Variants in PLXNA1 observed in about 807,000 individuals in gnomAD.
The protein encoded by PLXNA1 is plexin A1.
A neutral mutation model predicts 191.7 loss-of-function variants in PLXNA1; 77 were observed. The observed-to-expected ratio is 0.40, with a 90% CI of 0.33 to 0.49. The LOEUF is 0.49. Among genes scored for constraint, PLXNA1 ranks in the 20% least tolerant of loss-of-function variants. The pLI, the probability that PLXNA1 is intolerant of heterozygous loss-of-function variation, is 0.63. For synonymous variants in PLXNA1, 1,137 were observed against 1,156.4 expected (o/e 0.98, Z 0.34); for missense variants, 2,110 against 2,660.2 (o/e 0.79, Z 4.55).
chr3:126,994,420 G>A (rs541608797), intron 3 of PLXNA1, among the ~76,000 whole-genome samples: 1 of 152,252 alleles, frequency 6.6e-6, no homozygotes, highest in South Asian at 2.1e-4. Context: ...TTGTTCCCTA[G>A]TTACCGTGGG....
chr3:127,020,378 T>G (rs767587937), intron 21 of PLXNA1, 34 bp downstream of exon 21: 3 of 1,606,790 alleles, frequency 1.9e-6, no homozygotes, highest in Non-Finnish European at 2.5e-6. Flanking sequence ...TCACAGGAAC[T>G]CAGAGGCAGC....
At position 127,032,383 on chromosome 3, in the gene PLXNA1, G is replaced by A; in HGVS notation, c.5232-4G>A. 6.2e-7 allele frequency: 1 copy of A among 1,613,478 alleles called. No individual in the cohort carries two copies. Among genetic ancestry groups the A allele is most frequent in the Non-Finnish European group, 8.5e-7 (1 of 1,179,808 alleles). ...CTGAGCAGCGCCTGGACTCTCGCCT[G>A]CAGCCTGCCCCTGCGCTTCTGGGTG... On this transcript the variant is annotated splice_region_variant and splice_polypyrimidine_tract_variant and intron_variant, in intron 29 of 31. Transcript: ENST00000393409.
chr3:127,014,218 GCGGCCTC>G lies in PLXNA1; in HGVS notation c.2448_2454del (p.Gly817AlafsTer141). Reference sequence around the variant, plus strand: ...AAGTGCCCGGCCCTGCGCGAGAGCTGCGGCCTCTGCCTCAAGGCCGACCCGCGCTTCG... The same window carrying G: ...AAGTGCCCGGCCCTGCGCGAGAGCTGTGCCTCAAGGCCGACCCGCGCTTCG... On this transcript the variant is annotated frameshift_variant, in exon 12 of 32. Coordinates refer to ENST00000393409, the MANE Select transcript of PLXNA1 (RefSeq NM_032242.4). LOFTEE classifies it high-confidence loss of function. The G allele has an allele frequency of 6.2e-7, 1 of 1,607,712 alleles. No homozygotes were observed. Among genetic ancestry groups the G allele is most frequent in the Non-Finnish European group, 8.5e-7 (1 of 1,176,830 alleles).
chr3:127,019,064 G>C (rs1001852378), intron 20 of PLXNA1, among the ~76,000 whole-genome samples: 3 of 152,284 alleles, frequency 2.0e-5, no homozygotes, highest in East Asian at 3.9e-4. Flanking sequence ...CCATGCTCCT[G>C]ATCAGGGCAG....
intron 3 of PLXNA1, among the ~76,000 whole-genome samples, chr3:126,997,749 G>A (rs1411153185): frequency 1.3e-5 from 2 of 152,246 alleles, no homozygotes; most frequent in African/African-American, 4.8e-5. Context: ...TGGTGTGCGA[G>A]GGTGCATAAG....
intron 23 of PLXNA1, chr3:127,026,496 T>C (rs1277783779): frequency 6.6e-6 from 1 of 152,252 alleles, no homozygotes; most frequent in Non-Finnish European, 1.5e-5. Context: ...GACAGGTGTC[T>C]GACTTTGGGA....
rs919608264 is a variant in PLXNA1 at position 126,988,685 on chromosome 3, C to G, written c.92C>G (p.Pro31Arg). 3 of 1,577,220 alleles carry G rather than the reference C, an allele frequency of 1.9e-6. No individual in the cohort carries two copies. Among genetic ancestry groups the G allele is most frequent in the Non-Finnish European group, 2.6e-6 (3 of 1,160,270 alleles). ...GGCATGTGGGCTGAGGCAGGCTTGC[C>G]CAGGGCAGGCGGGGGTTCACAGCCC... ...LPGMWAEAGL[P>R]RAGGGSQPPF... The change falls in exon 2 of 32, where the codon CCC (proline) becomes CGC (arginine). Residue 31 changes from proline to arginine, a missense_variant. Pro to Arg is a moderately radical substitution (Grantham distance 103). Coordinates refer to ENST00000393409, the MANE Select transcript of PLXNA1 (RefSeq NM_032242.4).
rs370536976 is a variant in PLXNA1 at position 127,010,802 on chromosome 3, G to A, written c.2113-1156G>A. Among the ~76,000 whole-genome samples, 38 of 152,182 alleles carry A rather than the reference G, an allele frequency of 2.5e-4. 1 individual carries two copies. The highest frequency in any genetic ancestry group is 9.8e-4 in the Admixed American group (15 of 15,282). On this transcript the variant is annotated intron_variant, in intron 9 of 31. Coordinates refer to ENST00000393409, the MANE Select transcript of PLXNA1 (RefSeq NM_032242.4). ...GAACTTACGGGCACCAACAAAGCCCGTCCCTCACCATAGTCACCTTCTGGC... is the reference window on the plus strand; with the variant it reads ...GAACTTACGGGCACCAACAAAGCCCATCCCTCACCATAGTCACCTTCTGGC...
chr3:127,016,069 G>A (rs907485256), intron 15 of PLXNA1, among the ~76,000 whole-genome samples: 3 of 152,130 alleles, frequency 2.0e-5, no homozygotes, highest in Admixed American at 6.5e-5. Flanking sequence ...AGGGAAGGTC[G>A]CGCCAGGGCT....
At chr3:127,011,162 G>T (rs1309286869) in intron 9 of PLXNA1, among the ~76,000 whole-genome samples, 1 of 152,252 alleles carries the variant, frequency 6.6e-6, no homozygotes. Context: ...GGAACACAGA[G>T]TTGCAAGTGC....
At chr3:126,990,707 T>C (rs9824839) in intron 2 of PLXNA1, among the ~76,000 whole-genome samples, 150,946 of 152,340 alleles carry the variant, frequency 0.99, 74,796 homozygotes, top group East Asian at 1. Context: ...GGCCCCTCAG[T>C]CCTTCCGTCT....
intron 23 of PLXNA1, 95 bp downstream of exon 23, chr3:127,022,913 A>T: frequency 9.0e-7 from 1 of 1,112,732 alleles, no homozygotes. Context: ...GTGCTGGAGA[A>T]TGACAGCTGG....
At chr3:126,983,621 C>T (rs1440745954) in intron 1 of PLXNA1, among the ~76,000 whole-genome samples, 3 of 148,378 alleles carry the variant, frequency 2.0e-5, no homozygotes, top group African/African-American at 7.3e-5. Context: ...CCCCGCCCCC[C>T]GGCCGGGCCC....
At chr3:126,995,381 C>A (rs545664692) in intron 3 of PLXNA1, among the ~76,000 whole-genome samples, 1 of 152,210 alleles carries the variant, frequency 6.6e-6, no homozygotes, top group African/African-American at 2.4e-5. Flanking sequence ...CCTGTAGCAT[C>A]AGCCCAAGTA....
chr3:127,014,508 G>A lies in PLXNA1; in HGVS notation c.2635G>A (p.Gly879Ser), dbSNP rs1385187998. The A allele has an allele frequency of 7.5e-6, 12 of 1,606,660 alleles. No individual in the cohort carries two copies. Among genetic ancestry groups the A allele is most frequent in the South Asian group, 1.1e-5 (1 of 91,064 alleles). The part of the protein sequence containing the change: ...LSPETGPRQG[G>S]TRLTITGENL... ...CCCCGAGACGGGCCCGAGGCAGGGC[G>A]GCACGCGGCTCACTATCACAGGCGA... Residue 879 changes from glycine to serine, a missense_variant, in exon 13 of 32, where the codon GGC becomes AGC. This residue lies in a region of PLXNA1 where 644 missense variants were observed against 714.3 expected (regional missense o/e 0.90). Transcript: ENST00000393409.
intron 10 of PLXNA1, among the ~76,000 whole-genome samples, 184 bp downstream of exon 10, chr3:127,012,342 G>A (rs1382728857): frequency 6.6e-6 from 1 of 152,268 alleles, no homozygotes; most frequent in Non-Finnish European, 1.5e-5. Flanking sequence ...ATGTGCCTGG[G>A]TCATGTAGGC....
chr3:126,985,765 T>C (rs920146076), intron 1 of PLXNA1, among the ~76,000 whole-genome samples: 2 of 152,188 alleles, frequency 1.3e-5, no homozygotes, highest in Admixed American at 6.5e-5. Context: ...CTCTGGAAGC[T>C]CGAAATTTGG....
chr3:127,031,112 G>A (rs1352782892), intron 29 of PLXNA1, among the ~76,000 whole-genome samples: 1 of 152,154 alleles, frequency 6.6e-6, no homozygotes, highest in African/African-American at 2.4e-5. Context: ...CTTCTTCCCT[G>A]GTCATGGACT....
At position 127,036,704 on chromosome 3, in the gene PLXNA1, A is replaced by G. The variant is rs1313231143; in HGVS notation, c.*2687A>G. On this transcript the variant is annotated 3_prime_UTR_variant, in exon 32 of 32. Coordinates refer to ENST00000393409, the MANE Select transcript of PLXNA1 (RefSeq NM_032242.4). Reference sequence around the variant, plus strand: ...AGTTGGAGGCCGTTCTGTGCCCAGCAGCGGTGAGCGGCTCCCATGGGCCCT... The same window carrying G: ...AGTTGGAGGCCGTTCTGTGCCCAGCGGCGGTGAGCGGCTCCCATGGGCCCT... 3 of 152,268 alleles carry G rather than the reference A, an allele frequency of 2.0e-5. No individual in the cohort carries two copies. Among genetic ancestry groups the G allele is most frequent in the African/African-American group, 7.2e-5 (3 of 41,436 alleles). The allele number at this position is 152,268 out of a possible 1,614,324, so 9.4% of individuals were successfully genotyped here.
Sources: allele counts gnomAD v4.1 joint callset (sites outside exome capture counted in the v4.1 genomes callset), GRCh38; gene constraint gnomAD v4.1.1; regional missense constraint gnomAD v4.1.1; transcripts MANE v1.5; gene names NCBI Gene and HGNC (gene_info 2026-07-23, HGNC 2026-07-21).